RBPJ: variants seen among roughly 807,000 people sequenced by gnomAD.
The protein encoded by RBPJ is recombining binding protein suppressor of hairless.
Under a neutral mutation model 67.8 loss-of-function variants are expected in RBPJ, and 9 were observed. The observed-to-expected ratio is 0.13, with a 90% CI of 0.08 to 0.23. RBPJ has a LOEUF of 0.23. RBPJ is among the 10% of genes least tolerant of loss of function. RBPJ has a pLI of 1.00. For synonymous variants in RBPJ, 198 were observed against 203.3 expected, an observed-to-expected ratio of 0.97 and a Z score of 0.22; for missense variants, 305 against 595.6, an observed-to-expected ratio of 0.51 and a Z score of 5.08.
intron 1 of RBPJ, among the ~76,000 whole-genome samples, chr4:26,293,323 T>G (rs1162845785): frequency 2.7e-5 from 4 of 150,134 alleles, no homozygotes; most frequent in Non-Finnish European, 5.9e-5. Flanking sequence ...TTTTTTTTTA[T>G]TTTGTTTATT....
upstream of RBPJ, among the ~76,000 whole-genome samples, chr4:26,316,921 C>T (rs1447756397): frequency 7.2e-6 from 1 of 138,776 alleles, no homozygotes; most frequent in East Asian, 2.3e-4. Context: ...CTAGTACTCA[C>T]TGCTAGTCTA....
chr4:26,213,817 AGAT>A (rs1225244467), intron 1 of RBPJ, among the ~76,000 whole-genome samples: 2 of 151,986 alleles, frequency 1.3e-5, no homozygotes, highest in Non-Finnish European at 2.9e-5. Flanking sequence ...TCCAGGAGGG[AGAT>A]GATGGCAGCT....
At chr4:26,231,103 C>A (rs1453396742) in intron 1 of RBPJ, among the ~76,000 whole-genome samples, 3 of 152,162 alleles carry the variant, frequency 2.0e-5, no homozygotes, top group Non-Finnish European at 4.4e-5. Flanking sequence ...TGCGATCTGA[C>A]CTATTTACCA....
chr4:26,364,309 C>T (rs530732170), intron 1 of RBPJ, among the ~76,000 whole-genome samples: 1 of 152,288 alleles, frequency 6.6e-6, no homozygotes, highest in South Asian at 2.1e-4. Flanking sequence ...AATCAAGTTC[C>T]AAGATAGAAT....
At chr4:26,317,070 A>G (rs1307975696), upstream of RBPJ, among the ~76,000 whole-genome samples, 1 of 151,766 alleles carries the variant, frequency 6.6e-6, no homozygotes, top group East Asian at 1.9e-4. Context: ...TGAATAATGA[A>G]CAAACTAGAC....
chr4:26,325,975 C>T (rs140944383), intron 1 of RBPJ, among the ~76,000 whole-genome samples: 1 of 152,200 alleles, frequency 6.6e-6, no homozygotes, highest in African/African-American at 2.4e-5. Context: ...TTGTAATTAT[C>T]ACACCCAAAT....
Position 26,235,857 on chromosome 4 carries a change from C to T in RBPJ, c.-167+72243C>T, listed in dbSNP as rs201260525. On this transcript the variant is annotated intron_variant, in intron 1 of 4. Transcript: ENST00000512351. The stretch of plus-strand genomic sequence containing the variant: ...TGAGAATGACAGATTGTTGGCTAAG[C>T]TAACCTTCTGTTTTCCTCACCACCA... Among the ~76,000 whole-genome samples the T allele has an allele frequency of 2.8e-4, 43 of 152,348 alleles. No homozygotes were observed. The East Asian group carries it at 7.9e-3, about 28-fold the overall frequency.
chr4:26,197,158 T>C (rs1400688554), intron 1 of RBPJ, among the ~76,000 whole-genome samples: 1 of 152,144 alleles, frequency 6.6e-6, no homozygotes, highest in Non-Finnish European at 1.5e-5. Flanking sequence ...ATCAAGTAAG[T>C]GGACTTCAAC....
chr4:26,327,970 A>G (rs574138467), intron 1 of RBPJ, among the ~76,000 whole-genome samples: 13 of 152,360 alleles, frequency 8.5e-5, no homozygotes, highest in South Asian at 2.1e-4. Context: ...TGAACAGTCT[A>G]TTATGGACAT....
At chr4:26,401,106 TAATA>T (rs1328649310) in intron 2 of RBPJ, among the ~76,000 whole-genome samples, 10 of 152,236 alleles carry the variant, frequency 6.6e-5, no homozygotes, top group Non-Finnish European at 1.3e-4. Flanking sequence ...GAAATAATAG[TAATA>T]GCTCGAGGCT....
intron 1 of RBPJ, among the ~76,000 whole-genome samples, chr4:26,167,295 A>G (rs1281727868): frequency 1.3e-5 from 2 of 152,196 alleles, no homozygotes; most frequent in Admixed American, 6.5e-5. Context: ...GAACCTATCA[A>G]TTACCTTGGG....
At chr4:26,305,832 T>C (rs944866057) in intron 1 of RBPJ, among the ~76,000 whole-genome samples, 1 of 135,270 alleles carries the variant, frequency 7.4e-6, no homozygotes, top group Non-Finnish European at 1.5e-5. Flanking sequence ...CAGGCTGGAG[T>C]GCAATGGCAT....
At chr4:26,261,801 T>C (rs1467911828) in intron 1 of RBPJ, among the ~76,000 whole-genome samples, 1 of 152,234 alleles carries the variant, frequency 6.6e-6, no homozygotes, top group African/African-American at 2.4e-5. Context: ...GTTTGGATAA[T>C]TTTAGCCAGA....
chr4:26,225,911 G>A (rs1361406124), intron 1 of RBPJ, among the ~76,000 whole-genome samples: 4 of 152,088 alleles, frequency 2.6e-5, no homozygotes, highest in East Asian at 1.9e-4. Context: ...ACTTTGGGAC[G>A]CTGAGGTGGA....
chr4:26,296,598 CA>C, intron 1 of RBPJ, among the ~76,000 whole-genome samples: 1 of 152,226 alleles, frequency 6.6e-6, no homozygotes, highest in South Asian at 2.1e-4. Flanking sequence ...TGATGAATAA[CA>C]AATAGTTTTA....
chr4:26,218,450 G>T (rs1219333365), intron 1 of RBPJ, among the ~76,000 whole-genome samples: 1 of 152,088 alleles, frequency 6.6e-6, no homozygotes, highest in African/African-American at 2.4e-5. Context: ...ACCCCCCGAA[G>T]GGTACCTAAT....
intron 1 of RBPJ, among the ~76,000 whole-genome samples, chr4:26,237,846 G>C (rs1186708981): frequency 6.6e-6 from 1 of 151,884 alleles, no homozygotes; most frequent in East Asian, 1.9e-4. Flanking sequence ...TCCAATCCTA[G>C]CTCTATCATG....
chr4:26,120,304 A>T, the RBPJ span, among the ~76,000 whole-genome samples: 1 of 152,128 alleles, frequency 6.6e-6, no homozygotes, highest in South Asian at 2.1e-4. Context: ...CAGGCTTTTC[A>T]ACTGATGTTG....
chr4:26,338,450 G>A (rs1725134790), intron 1 of RBPJ, among the ~76,000 whole-genome samples: 3 of 150,356 alleles, frequency 2.0e-5, no homozygotes, highest in Admixed American at 6.6e-5. Context: ...CACTGCGCCC[G>A]GCCTCTTACA....
Sources: allele counts gnomAD v4.1 joint callset (sites outside exome capture counted in the v4.1 genomes callset), GRCh38; gene constraint gnomAD v4.1.1; transcripts MANE v1.5; gene names NCBI Gene and HGNC (gene_info 2026-07-23, HGNC 2026-07-21).